FOCAD: variants seen among roughly 807,000 people sequenced by gnomAD.
The protein encoded by FOCAD is focadhesin.
Under a neutral mutation model 225.6 loss-of-function variants are expected in FOCAD, and 198 were observed. The observed-to-expected ratio is 0.88, with a 90% CI of 0.78 to 0.99. The LOEUF is 0.99. Ranked by LOEUF, FOCAD falls within the 50% of genes least tolerant of loss-of-function variation. The pLI is 0.00. For missense variants in FOCAD, 2,713 were observed against 2,123.6 expected, an observed-to-expected ratio of 1.28 and a Z score of -5.46; for synonymous variants, 897 against 755.0, an observed-to-expected ratio of 1.19 and a Z score of -3.08.
At chr9:20,758,988 G>T (rs1829320275) in intron 6 of FOCAD, among the ~76,000 whole-genome samples, 1 of 151,996 alleles carries the variant, frequency 6.6e-6, no homozygotes, top group South Asian at 2.1e-4. Context: ...CAAACAGAGA[G>T]CCAAATCATG....
intron 22 of FOCAD, among the ~76,000 whole-genome samples, chr9:20,910,259 C>T (rs990562152): frequency 1.3e-5 from 2 of 151,992 alleles, no homozygotes; most frequent in Admixed American, 6.6e-5. Context: ...ATCTTGTTAC[C>T]CTTCTGGGAT....
chr9:20,930,057 C>A (rs1835322082), intron 27 of FOCAD, among the ~76,000 whole-genome samples: 1 of 152,206 alleles, frequency 6.6e-6, no homozygotes, highest in African/African-American at 2.4e-5. Context: ...CTGAGAACTA[C>A]ATGTACCCGG....
intron 28 of FOCAD, among the ~76,000 whole-genome samples, chr9:20,938,294 G>A (rs1393547436): frequency 5.9e-5 from 9 of 152,064 alleles, no homozygotes; most frequent in East Asian, 1.9e-4. Context: ...TGTTTATTGC[G>A]GCACTATTCA....
chr9:20,724,653 C>T (rs929517347), intron 4 of FOCAD, among the ~76,000 whole-genome samples: 82 of 151,838 alleles, frequency 5.4e-4, no homozygotes, highest in Admixed American at 3.3e-4. Flanking sequence ...ACGTAATTTT[C>T]TTCATTTGCT....
At chr9:20,799,941 C>G (rs1376658817) in intron 11 of FOCAD, among the ~76,000 whole-genome samples, 1 of 152,050 alleles carries the variant, frequency 6.6e-6, no homozygotes, top group Non-Finnish European at 1.5e-5. Flanking sequence ...TCTTCCTAGC[C>G]TCAATGATCT....
At chr9:20,701,791 T>C (rs957431201) in intron 1 of FOCAD, among the ~76,000 whole-genome samples, 2 of 152,224 alleles carry the variant, frequency 1.3e-5, no homozygotes. Flanking sequence ...TAATATGTAA[T>C]GTTTGCGCAT....
intron 4 of FOCAD, among the ~76,000 whole-genome samples, chr9:20,722,897 TAATTG>T (rs1825897405): frequency 3.9e-5 from 6 of 152,230 alleles, no homozygotes; most frequent in Admixed American, 1.3e-4. Context: ...ATGTAAAATG[TAATTG>T]CATTGTGTAG....
At chr9:20,770,263 G>A in intron 8 of FOCAD, 25 bp downstream of exon 8, 1 of 1,567,274 alleles carries the variant, frequency 6.4e-7, no homozygotes, top group Non-Finnish European at 8.8e-7. Flanking sequence ...ATATTATACT[G>A]TTCATGCATT....
intron 8 of FOCAD, among the ~76,000 whole-genome samples, chr9:20,773,810 G>C (rs770406448): frequency 1.3e-5 from 2 of 152,088 alleles, no homozygotes; most frequent in Non-Finnish European, 2.9e-5. Context: ...CCTGGCTTGT[G>C]TGAGCTGGAG....
At chr9:20,979,035 G>A (rs184352736) in intron 37 of FOCAD, among the ~76,000 whole-genome samples, 3 of 152,332 alleles carry the variant, frequency 2.0e-5, no homozygotes, top group Non-Finnish European at 4.4e-5. Flanking sequence ...GATAGAGGGG[G>A]CTAGCACCTT....
intron 15 of FOCAD, among the ~76,000 whole-genome samples, chr9:20,846,692 T>G (rs1377947075): frequency 6.6e-6 from 1 of 152,060 alleles, no homozygotes; most frequent in Admixed American, 6.6e-5. Context: ...GTGATTGCCA[T>G]GTAAGTTTAA....
chr9:20,974,461 T>A (rs58315481), intron 35 of FOCAD, among the ~76,000 whole-genome samples: 16 of 91,246 alleles, frequency 1.8e-4, no homozygotes, highest in Middle Eastern at 5.8e-3. Context: ...ACTTTTGCTG[T>A]CTCTGCCCTA....
Position 20,982,447 on chromosome 9 carries a change from GTAA to G in FOCAD, c.4728+5_4728+7del. 6.2e-7 allele frequency: 1 copy of G among 1,610,154 alleles called. No individual in the cohort carries two copies. Among genetic ancestry groups the G allele is most frequent in the Non-Finnish European group, 8.5e-7 (1 of 1,176,728 alleles). On this transcript the variant is annotated splice_donor_variant and splice_donor_region_variant and intron_variant, in intron 39 of 43. Coordinates refer to ENST00000338382, the MANE Select transcript of FOCAD (RefSeq NM_001375567.1). LOFTEE classifies it high-confidence loss of function. ...CAATCGGATCGCCCAGGTTACTAAG[GTAA>G]TAACATATCTTTCTATACCTTTTTT...
intron 1 of FOCAD, among the ~76,000 whole-genome samples, chr9:20,695,195 AT>A (rs112576059): frequency 0.012 from 1,879 of 151,364 alleles, 38 homozygotes; most frequent in African/African-American, 0.041. Context: ...TTAGTGGCAA[AT>A]TTTTTTTTAG....
intron 5 of FOCAD, among the ~76,000 whole-genome samples, chr9:20,753,474 G>T (rs576736247): frequency 6.8e-6 from 1 of 146,806 alleles, no homozygotes; most frequent in Non-Finnish European, 1.5e-5. Flanking sequence ...ATTGATTTGC[G>T]TATATTGAAC....
intron 15 of FOCAD, among the ~76,000 whole-genome samples, chr9:20,851,487 A>G (rs942037877): frequency 1.3e-5 from 2 of 151,894 alleles, no homozygotes; most frequent in African/African-American, 4.8e-5. Flanking sequence ...GGAACAATTC[A>G]AGTCAAATCC....
chr9:20,987,524 A>C (rs1357510994), intron 40 of FOCAD, among the ~76,000 whole-genome samples: 1 of 151,950 alleles, frequency 6.6e-6, no homozygotes, highest in African/African-American at 2.4e-5. Context: ...AAAAAAAAAG[A>C]AATTTTGATT....
upstream of FOCAD, among the ~76,000 whole-genome samples, chr9:20,682,020 G>A (rs1822413673): frequency 6.6e-6 from 1 of 152,144 alleles, no homozygotes; most frequent in Non-Finnish European, 1.5e-5. Flanking sequence ...GGGGCCATTG[G>A]GAGGTGATTA....
intron 1 of FOCAD, among the ~76,000 whole-genome samples, chr9:20,701,465 T>G (rs1320300216): frequency 6.6e-6 from 1 of 152,202 alleles, no homozygotes; most frequent in Non-Finnish European, 1.5e-5. Flanking sequence ...GGGTATATAA[T>G]TGCTTTAATT....
Sources: allele counts gnomAD v4.1 joint callset (sites outside exome capture counted in the v4.1 genomes callset), GRCh38; gene constraint gnomAD v4.1.1; transcripts MANE v1.5; gene names NCBI Gene and HGNC (gene_info 2026-07-23, HGNC 2026-07-21).